Variants in SLC4A1AP observed in about 807,000 individuals in gnomAD.
SLC4A1AP encodes the protein kanadaptin.
SLC4A1AP carries 64 observed loss-of-function variants against 89.7 expected under a neutral mutation model. The ratio of observed to expected loss-of-function variants is 0.71; its 90% CI spans 0.58 to 0.88. The LOEUF is 0.88. SLC4A1AP is among the 40% of genes least tolerant of loss of function. SLC4A1AP has a pLI of 0.00. For missense variants in SLC4A1AP, 931 were observed against 965.0 expected (o/e 0.96, Z 0.47); for synonymous variants, 366 against 353.3 (o/e 1.04, Z -0.40).
intron 5 of SLC4A1AP, among the ~76,000 whole-genome samples, chr2:27,672,096 T>G (rs1437872108): frequency 1.3e-5 from 2 of 152,202 alleles, no homozygotes; most frequent in Non-Finnish European, 2.9e-5. Context: ...CCCTTTGTTC[T>G]AAAGGTTCTA....
intron 4 of SLC4A1AP, 135 bp from the exon 5 acceptor site, chr2:27,669,113 G>A (rs1246699244): frequency 3.7e-6 from 4 of 1,091,976 alleles, no homozygotes; most frequent in Admixed American, 4.7e-5. Context: ...ATCCAACATT[G>A]GAAAGATAGA....
At chr2:27,672,855 C>G (rs1458124170) in intron 5 of SLC4A1AP, among the ~76,000 whole-genome samples, 1 of 152,198 alleles carries the variant, frequency 6.6e-6, no homozygotes, top group Non-Finnish European at 1.5e-5. Context: ...CTCTTCCAAT[C>G]TCCTGCCTGA....
chr2:27,686,045 T>C (rs1395633369), intron 10 of SLC4A1AP, among the ~76,000 whole-genome samples: 1 of 152,166 alleles, frequency 6.6e-6, no homozygotes, highest in Non-Finnish European at 1.5e-5. Flanking sequence ...TTCCTGCTGG[T>C]TGGCCAAACT....
rs537482314 is a variant in SLC4A1AP, at chr2:27,679,321, G to A, written c.1763+1397G>A. 5.2e-4 allele frequency among the ~76,000 whole-genome samples: 79 copies of A among 152,262 alleles called. 1 individual carries two copies. The highest frequency in any genetic ancestry group is 3.3e-3 in the Admixed American group (51 of 15,308). On this transcript the variant is annotated intron_variant, in intron 8 of 13. Transcript: ENST00000613058. ...AAAGGGGATGGATTAAATAAATTGC[G>A]GCCAGGTGCTGCGGCTTACGCCTGT...
intron 5 of SLC4A1AP, among the ~76,000 whole-genome samples, chr2:27,674,369 A>G (rs1047479869): frequency 1.3e-5 from 2 of 152,230 alleles, no homozygotes; most frequent in African/African-American, 2.4e-5. Context: ...TGGACTCTTT[A>G]CATATTCACT....
At chr2:27,678,302 T>A (rs960639169) in intron 8 of SLC4A1AP, among the ~76,000 whole-genome samples, 1 of 152,060 alleles carries the variant, frequency 6.6e-6, no homozygotes, top group South Asian at 2.1e-4. Flanking sequence ...CCTAGAACTT[T>A]GGGAGGTTGA....
At chr2:27,678,949 C>T (rs1675568756) in intron 8 of SLC4A1AP, among the ~76,000 whole-genome samples, 1 of 151,946 alleles carries the variant, frequency 6.6e-6, no homozygotes, top group East Asian at 1.9e-4. Context: ...AACTCCTGGC[C>T]TCAAGGTATC....
intron 6 of SLC4A1AP, among the ~76,000 whole-genome samples, chr2:27,676,796 C>T (rs1349478606): frequency 1.3e-5 from 2 of 148,882 alleles, no homozygotes; most frequent in African/African-American, 2.5e-5. Flanking sequence ...CGCCATTGCA[C>T]TGCAGCCTGG....
At chr2:27,679,252 G>C (rs13427573) in intron 8 of SLC4A1AP, among the ~76,000 whole-genome samples, 1 of 152,116 alleles carries the variant, frequency 6.6e-6, no homozygotes, top group Non-Finnish European at 1.5e-5. Flanking sequence ...AGCATTGTTT[G>C]TATTAATAGT....
intron 8 of SLC4A1AP, 43 bp downstream of exon 8, chr2:27,677,967 C>A: frequency 7.9e-7 from 1 of 1,259,552 alleles, no homozygotes. Context: ...AGTATGGTAG[C>A]ATAGATAACA....
intron 5 of SLC4A1AP, 39 bp downstream of exon 5, chr2:27,669,426 AAG>A (rs1239480066): frequency 6.9e-7 from 1 of 1,454,172 alleles, no homozygotes. Flanking sequence ...GATTTAAAAA[AAG>A]GAAAACTCAA....
intron 12 of SLC4A1AP, among the ~76,000 whole-genome samples, chr2:27,691,012 T>C (rs974458111): frequency 2.6e-5 from 4 of 152,108 alleles, no homozygotes; most frequent in Non-Finnish European, 4.4e-5. Context: ...TTTTTTGTTA[T>C]GTCCTTTCCT....
chr2:27,683,509 G>GGT (rs747923021), intron 9 of SLC4A1AP, among the ~76,000 whole-genome samples: 9 of 152,008 alleles, frequency 5.9e-5, no homozygotes, highest in Non-Finnish European at 1.0e-4. Context: ...TTGCACTCCT[G>GGT]GTGTCTCTTC....
chr2:27,694,919 G>C, exon 14 of SLC4A1AP: 1 of 372,228 alleles, frequency 2.7e-6, no homozygotes, highest in Non-Finnish European at 4.8e-6. Flanking sequence ...CATATGTTTT[G>C]AGAATTTGTA....
exon 13 of SLC4A1AP, chr2:27,693,697 C>G: frequency 6.2e-7 from 1 of 1,607,936 alleles, no homozygotes; most frequent in Non-Finnish European, 8.5e-7. Flanking sequence ...TCCACCAACA[C>G]TTTCTTCCAA....
intron 10 of SLC4A1AP, among the ~76,000 whole-genome samples, chr2:27,686,534 G>A (rs1304751535): frequency 1.3e-5 from 2 of 152,196 alleles, no homozygotes; most frequent in Non-Finnish European, 2.9e-5. Flanking sequence ...GGAGGCCGAG[G>A]CGGATGGATC....
chr2:27,668,869 G>A (rs1675376791), exon 4 of SLC4A1AP: 1 of 1,614,112 alleles, frequency 6.2e-7, no homozygotes, highest in Admixed American at 1.7e-5. Context: ...TGAATTTGAT[G>A]AACAGGGACA....
rs1669540974 is a variant in SLC4A1AP at position 27,666,365 on chromosome 2, C to CCG, written c.1022-902_1022-901insGC. Among the ~76,000 whole-genome samples, 2 of 37,578 alleles carry CCG rather than the reference C, an allele frequency of 5.3e-5. 1 individual carries two copies. Among genetic ancestry groups the CCG allele is most frequent in the African/African-American group, 1.6e-4 (2 of 12,504 alleles). The allele number at this position is 37,578 out of a possible 152,430, so 24.7% of individuals were successfully genotyped here. On this transcript the variant is annotated intron_variant, in intron 2 of 13. Transcript: ENST00000613058. Reference sequence around the variant, plus strand: ...ACCTTGTGATCCACCCCCCACCCCCCCCCCCCACCCCGCCCCCCGGCCTCC... The same window carrying CCG: ...ACCTTGTGATCCACCCCCCACCCCCCCGCCCCCCACCCCGCCCCCCGGCCTCC...
intron 10 of SLC4A1AP, among the ~76,000 whole-genome samples, chr2:27,687,636 A>T (rs1205202021): frequency 1.3e-5 from 2 of 152,150 alleles, no homozygotes; most frequent in East Asian, 3.8e-4. Context: ...TTTTAAAAAA[A>T]TATGTTCTGG....
Sources: allele counts gnomAD v4.1 joint callset (sites outside exome capture counted in the v4.1 genomes callset), GRCh38; gene constraint gnomAD v4.1.1; transcripts MANE v1.5; gene names NCBI Gene and HGNC (gene_info 2026-07-23, HGNC 2026-07-21).